Variants in CTTNBP2 observed in about 807,000 individuals in gnomAD.
CTTNBP2 encodes cortactin binding protein 2, also known as cortactin-binding protein 2.
Under a neutral mutation model 156.9 loss-of-function variants are expected in CTTNBP2, and 108 were observed. The ratio of observed to expected loss-of-function variants is 0.69; its 90% CI spans 0.59 to 0.81. The LOEUF (loss-of-function observed/expected upper bound fraction) is 0.81, where lower values mean the gene tolerates loss of function less well. Among genes scored for constraint, CTTNBP2 ranks in the 30% least tolerant of loss-of-function variants. The pLI, the probability that CTTNBP2 is intolerant of heterozygous loss-of-function variation, is 0.00. For synonymous variants in CTTNBP2, 767 were observed against 751.8 expected (o/e 1.02, Z -0.33); for missense variants, 1,924 against 2,035.4 (o/e 0.95, Z 1.05).
At chr7:117,828,695 T>C (rs1347892735) in intron 2 of CTTNBP2, among the ~76,000 whole-genome samples, 1 of 152,252 alleles carries the variant, frequency 6.6e-6, no homozygotes, top group Admixed American at 6.5e-5. Context: ...CAACTATTTA[T>C]ATTTCTGCTA....
chr7:117,801,718 C>T (rs1799616563), intron 3 of CTTNBP2, among the ~76,000 whole-genome samples: 2 of 151,810 alleles, frequency 1.3e-5, no homozygotes, highest in African/African-American at 4.8e-5. Flanking sequence ...TTGGAAAAAA[C>T]ATCTGTGTGT....
intron 2 of CTTNBP2, among the ~76,000 whole-genome samples, chr7:117,842,725 C>CA (rs1802350954): frequency 6.6e-6 from 1 of 151,688 alleles, no homozygotes; most frequent in African/African-American, 2.4e-5. Context: ...CTGTATAACA[C>CA]AAAAAAGACA....
At chr7:117,712,025 G>A (rs1251477733) in intron 22 of CTTNBP2, among the ~76,000 whole-genome samples, 2 of 152,160 alleles carry the variant, frequency 1.3e-5, no homozygotes, top group African/African-American at 4.8e-5. Context: ...TGAATCAAGT[G>A]CTAAGGCGTC....
chr7:117,784,139 T>C, intron 5 of CTTNBP2, 112 bp downstream of exon 5: 1 of 785,146 alleles, frequency 1.3e-6, no homozygotes, highest in Non-Finnish European at 2.0e-6. Context: ...CATTACCACC[T>C]GTAAAAGAAA....
At chr7:117,802,806 G>C (rs935368595) in intron 3 of CTTNBP2, among the ~76,000 whole-genome samples, 1 of 152,130 alleles carries the variant, frequency 6.6e-6, no homozygotes, top group Non-Finnish European at 1.5e-5. Flanking sequence ...TAATATCAGA[G>C]AAATGCAAAT....
At chr7:117,777,473 T>A in intron 8 of CTTNBP2, 38 bp downstream of exon 8, 1 of 1,590,530 alleles carries the variant, frequency 6.3e-7, no homozygotes, top group African/African-American at 1.3e-5. Context: ...CTCATCAAAT[T>A]ACAGCTGCAT....
intron 8 of CTTNBP2, among the ~76,000 whole-genome samples, chr7:117,769,391 T>C (rs1797689349): frequency 6.6e-6 from 1 of 152,200 alleles, no homozygotes; most frequent in African/African-American, 2.4e-5. Context: ...TTGGGTTTCC[T>C]GAGTAAAGAA....
At chr7:117,851,532 T>C (rs1802927752) in intron 2 of CTTNBP2, among the ~76,000 whole-genome samples, 1 of 152,240 alleles carries the variant, frequency 6.6e-6, no homozygotes, top group South Asian at 2.1e-4. Flanking sequence ...CAAAAGTGGT[T>C]AACGTAATCT....
At chr7:117,866,630 A>T (rs1210335315) in intron 1 of CTTNBP2, among the ~76,000 whole-genome samples, 1 of 152,180 alleles carries the variant, frequency 6.6e-6, no homozygotes, top group Admixed American at 6.5e-5. Flanking sequence ...AAGTAGGGCA[A>T]ATCATTTCAT....
intron 11 of CTTNBP2, 63 bp from the exon 12 acceptor site, chr7:117,756,697 A>T: frequency 9.5e-7 from 1 of 1,048,986 alleles, no homozygotes; most frequent in South Asian, 1.3e-5. Flanking sequence ...CGATCAAAAC[A>T]CAACAGAATC....
chr7:117,749,249 G>A (rs1484825341), intron 12 of CTTNBP2, among the ~76,000 whole-genome samples: 1 of 152,286 alleles, frequency 6.6e-6, no homozygotes, highest in East Asian at 1.9e-4. Context: ...GAAGAATTTT[G>A]CAGGAAACCA....
chr7:117,756,253 T>C (rs1796876469), intron 12 of CTTNBP2, among the ~76,000 whole-genome samples: 3 of 152,184 alleles, frequency 2.0e-5, no homozygotes, highest in Admixed American at 1.3e-4. Context: ...TTCATATTGA[T>C]CATCATTTAC....
chr7:117,794,884 T>C (rs1344590535), intron 3 of CTTNBP2, among the ~76,000 whole-genome samples: 6 of 129,394 alleles, frequency 4.6e-5, no homozygotes, highest in Non-Finnish European at 3.3e-5. Flanking sequence ...TATCTTTTTT[T>C]TTTTTTTTTT....
intron 3 of CTTNBP2, among the ~76,000 whole-genome samples, chr7:117,794,270 G>A (rs565007658): frequency 6.6e-6 from 1 of 152,238 alleles, no homozygotes; most frequent in Admixed American, 6.5e-5. Context: ...GCTCATGAAG[G>A]ACAAAGGACT....
At chr7:117,782,820 GCTC>G (rs1212594341) in intron 6 of CTTNBP2, 39 bp downstream of exon 6, 2 of 1,385,764 alleles carry the variant, frequency 1.4e-6, no homozygotes, top group African/African-American at 1.4e-5. Flanking sequence ...ATAAAAAGAG[GCTC>G]CTTTGATGGT....
chr7:117,860,594 C>T (rs979620820), intron 2 of CTTNBP2, among the ~76,000 whole-genome samples: 1 of 151,956 alleles, frequency 6.6e-6, no homozygotes, highest in African/African-American at 2.4e-5. Flanking sequence ...CCGCCCACCT[C>T]GGCCTCCCAA....
At chr7:117,843,860 T>TA (rs1456689707) in intron 2 of CTTNBP2, among the ~76,000 whole-genome samples, 7 of 152,210 alleles carry the variant, frequency 4.6e-5, no homozygotes. Context: ...GTCCACATCC[T>TA]AATCTCCGGG....
chr7:117,754,018 G>T (rs983180404), intron 12 of CTTNBP2, among the ~76,000 whole-genome samples: 1 of 152,170 alleles, frequency 6.6e-6, no homozygotes, highest in East Asian at 1.9e-4. Context: ...GTGGAACTGG[G>T]AAGCTATGCC....
intron 4 of CTTNBP2, among the ~76,000 whole-genome samples, chr7:117,789,109 A>C (rs960659948): frequency 6.6e-6 from 1 of 152,156 alleles, no homozygotes; most frequent in African/African-American, 2.4e-5. Flanking sequence ...ATCCTGGTGA[A>C]TAGATAATAG....
Sources: gnomAD v4.1 joint callset for allele counts (sites outside exome capture counted in the v4.1 genomes callset) on GRCh38, gnomAD v4.1.1 for gene constraint, MANE v1.5 for transcripts, NCBI Gene and HGNC (gene_info 2026-07-23, HGNC 2026-07-21) for gene names.